The following COMMD9 variants were observed in gnomAD, a reference collection of about 807,000 sequenced individuals.
COMMD9 encodes the protein COMM domain-containing protein 9.
COMMD9 carries 22 observed loss-of-function variants against 23.4 expected under a neutral mutation model. The observed-to-expected ratio is 0.94, with a 90% CI of 0.67 to 1.34. The LOEUF is 1.34. COMMD9 is among the 40% of genes most tolerant of loss of function. COMMD9 has a pLI of 0.00. For missense variants in COMMD9, 231 were observed against 240.2 expected, an observed-to-expected ratio of 0.96 and a Z score of 0.25; for synonymous variants, 99 against 97.4, an observed-to-expected ratio of 1.02 and a Z score of -0.10.
Position 36,277,131 on chromosome 11 carries a change from A to C in COMMD9, c.318-8T>G. ...TCGGTTCTCCAAGTAGACCTGTTTA[A>C]GAGGGAAAGATGAGGAAAAAATAAT... On this transcript the variant is annotated splice_region_variant and splice_polypyrimidine_tract_variant and intron_variant, in intron 3 of 5. Coordinates refer to ENST00000263401, the MANE Select transcript of COMMD9 (RefSeq NM_014186.4). The C allele has an allele frequency of 6.3e-7, 1 of 1,586,884 alleles. No individual in the cohort carries two copies. Among genetic ancestry groups the C allele is most frequent in the African/African-American group, 1.3e-5 (1 of 74,100 alleles).
chr11:36,281,173 A>C (rs192263537), intron 1 of COMMD9, among the ~76,000 whole-genome samples: 71 of 152,310 alleles, frequency 4.7e-4, no homozygotes, highest in Admixed American at 1.6e-3. Context: ...CAGCTGAAGA[A>C]GAGGGCAACA....
At chr11:36,279,336 T>C (rs1251804625) in intron 2 of COMMD9, among the ~76,000 whole-genome samples, 2 of 152,242 alleles carry the variant, frequency 1.3e-5, no homozygotes, top group African/African-American at 2.4e-5. Context: ...AATCTGTAAC[T>C]TTGAAGTGTA....
At chr11:36,278,240 ACAT>A in intron 3 of COMMD9, 1 of 425,166 alleles carries the variant, frequency 2.4e-6, no homozygotes, top group Admixed American at 4.3e-5. Context: ...CAAAAACAAA[ACAT>A]CAACCTCTTA....
In COMMD9 at chr11:36,273,880, G is replaced by A. The variant is rs547515077; in HGVS notation, c.*752C>T. The A allele has an allele frequency of 6.0e-6, 1 of 168,038 alleles. No homozygotes were observed. Among genetic ancestry groups the A allele is most frequent in the African/African-American group, 2.4e-5 (1 of 41,988 alleles). The allele number at this position is 168,038 out of a possible 1,614,324, so 10.4% of individuals were successfully genotyped here. On this transcript the variant is annotated 3_prime_UTR_variant, in exon 6 of 6. Coordinates refer to ENST00000263401, the MANE Select transcript of COMMD9 (RefSeq NM_014186.4). ...CAAGGGCTTAGCTGGGAATTAGGAA[G>A]TTGGGATCATCTTTAAAAACTAGAG... is the stretch of plus-strand genomic sequence containing the variant.
chr11:36,286,710 A>C (rs954982164), intron 1 of COMMD9, among the ~76,000 whole-genome samples: 2 of 152,214 alleles, frequency 1.3e-5, no homozygotes, highest in African/African-American at 4.8e-5. Flanking sequence ...ACTGTTGGAC[A>C]ATCATTACAT....
rs2133419109 is a variant in COMMD9 at position 36,272,458 on chromosome 11, T to C, written c.*2174A>G. ...CAAGTAAGTTTCTTATGGATGCCCA[T>C]GGGAGGCCAAGAGGAAGGTATCTGA... On this transcript the variant is annotated 3_prime_UTR_variant, in exon 6 of 6. Coordinates refer to ENST00000263401, the MANE Select transcript of COMMD9 (RefSeq NM_014186.4). 1 of 152,382 alleles carries C rather than the reference T, an allele frequency of 6.6e-6. No individual in the cohort carries two copies. The highest frequency in any genetic ancestry group is 1.5e-5 in the Non-Finnish European group (1 of 68,092). The allele number at this position is 152,382 out of a possible 1,614,324, so 9.4% of individuals were successfully genotyped here. A position where few individuals can be genotyped will look rare whatever the true frequency, so the allele number is the denominator to read the frequency against.
chr11:36,281,239 T>C (rs12278582), intron 1 of COMMD9, among the ~76,000 whole-genome samples: 10,827 of 152,160 alleles, frequency 0.071, 434 homozygotes, highest in South Asian at 0.1. Context: ...AGCTCTTCTG[T>C]CTAGCTAAAG....
chr11:36,288,778 C>A (rs1362809877), intron 1 of COMMD9, among the ~76,000 whole-genome samples: 1 of 152,164 alleles, frequency 6.6e-6, no homozygotes, highest in African/African-American at 2.4e-5. Flanking sequence ...CCAGCCTGGA[C>A]AACAGAGCTA....
intron 2 of COMMD9, among the ~76,000 whole-genome samples, chr11:36,280,188 A>G (rs1856041375): frequency 6.6e-6 from 1 of 152,252 alleles, no homozygotes; most frequent in Non-Finnish European, 1.5e-5. Context: ...TGGAAAGATA[A>G]GGCTGTCACT....
intron 1 of COMMD9, among the ~76,000 whole-genome samples, chr11:36,283,769 A>C (rs1458123556): frequency 6.6e-6 from 1 of 152,116 alleles, no homozygotes; most frequent in Non-Finnish European, 1.5e-5. Flanking sequence ...AAAAGACAAA[A>C]ATTGGCAGAG....
chr11:36,285,076 G>A (rs924318001), intron 1 of COMMD9, among the ~76,000 whole-genome samples: 3 of 152,006 alleles, frequency 2.0e-5, no homozygotes, highest in Admixed American at 1.3e-4. Context: ...AGAAACAGCT[G>A]GTTCTTTGAC....
At chr11:36,283,708 C>G (rs1162105749) in intron 1 of COMMD9, among the ~76,000 whole-genome samples, 1 of 152,024 alleles carries the variant, frequency 6.6e-6, no homozygotes, top group African/African-American at 2.4e-5. Flanking sequence ...GACTTAACGC[C>G]CTAACATACA....
At chr11:36,289,102 C>T (rs886946342) in intron 1 of COMMD9, among the ~76,000 whole-genome samples, 1 of 152,158 alleles carries the variant, frequency 6.6e-6, no homozygotes, top group Non-Finnish European at 1.5e-5. Context: ...AAACCAATCC[C>T]AAAGACTAAT....
At chr11:36,284,809 TTAAAAA>T (rs1333342966) in intron 1 of COMMD9, among the ~76,000 whole-genome samples, 1 of 152,182 alleles carries the variant, frequency 6.6e-6, no homozygotes, top group Non-Finnish European at 1.5e-5. Flanking sequence ...CAGGGATATT[TTAAAAA>T]TTACACTGAA....
chr11:36,277,739 GATCA>G (rs1047816453), intron 3 of COMMD9, among the ~76,000 whole-genome samples: 6 of 138,460 alleles, frequency 4.3e-5, no homozygotes, highest in African/African-American at 1.3e-4. Context: ...GAAAAAAAAA[GATCA>G]ATTAAACATA....
Position 36,278,501 on chromosome 11 carries a change from A to G in COMMD9, c.293T>C (p.Leu98Pro). 6.2e-7 allele frequency: 1 copy of G among 1,614,002 alleles called. No homozygotes were observed. Residue 98 changes from leucine to proline, a missense_variant, in exon 3 of 6, where the codon CTG (leucine) becomes CCG (proline). Coordinates refer to ENST00000263401, the MANE Select transcript of COMMD9 (RefSeq NM_014186.4). ...ENFHQNLKNLLTKIILEHVST... is the reference protein window; with the variant it reads ...ENFHQNLKNLPTKIILEHVST... ...CACATGTTCTAGGATGATCTTTGTCAGCAGGTTTTTGAGGTTTTGGTGGAA... is the reference window on the plus strand; with the variant it reads ...CACATGTTCTAGGATGATCTTTGTCGGCAGGTTTTTGAGGTTTTGGTGGAA...
intron 2 of COMMD9, 86 bp from the exon 3 acceptor site, chr11:36,278,702 C>T: frequency 7.4e-7 from 1 of 1,357,892 alleles, no homozygotes; most frequent in Admixed American, 2.4e-5. Flanking sequence ...GGCTCTACAC[C>T]CCGAAGGCTG....
chr11:36,278,582 A>T lies in COMMD9; in HGVS notation c.212T>A (p.Val71Glu). ...GGCAGAGGACAGGTCACGGAATGCCACCAGCCTAGTGAGGCGGTGCAGAGC... is the reference window on the plus strand; with the variant it reads ...GGCAGAGGACAGGTCACGGAATGCCTCCAGCCTAGTGAGGCGGTGCAGAGC... ...LQALHRLTRL[V>E]AFRDLSSAEA... The change falls in exon 3 of 6, where the codon GTG becomes GAG. Residue 71 changes from valine to glutamate, a missense_variant. By Grantham distance (121) the Val-to-Glu change is moderately radical (BLOSUM62 -2). Coordinates refer to ENST00000263401, the MANE Select transcript of COMMD9 (RefSeq NM_014186.4). 6.2e-7 allele frequency: 1 copy of T among 1,614,212 alleles called. No individual in the cohort carries two copies. The highest frequency in any genetic ancestry group is 1.1e-5 in the South Asian group (1 of 91,090).
intron 1 of COMMD9, among the ~76,000 whole-genome samples, chr11:36,284,490 A>G (rs1856119602): frequency 6.6e-6 from 1 of 152,254 alleles, no homozygotes; most frequent in Non-Finnish European, 1.5e-5. Context: ...GATATTCAAC[A>G]AGGATATAGA....
Sources: allele counts gnomAD v4.1 joint callset (sites outside exome capture counted in the v4.1 genomes callset), GRCh38; gene constraint gnomAD v4.1.1; transcripts MANE v1.5; gene names NCBI Gene and HGNC (gene_info 2026-07-23, HGNC 2026-07-21).